The following ADAMTS6 variants were observed in gnomAD, a reference collection of about 807,000 sequenced individuals.
ADAMTS6 encodes the protein ADAM metallopeptidase with thrombospondin type 1 motif 6.
A neutral mutation model predicts 144.3 loss-of-function variants in ADAMTS6; 23 were observed. That is an observed-to-expected ratio of 0.16 (90% CI 0.11 to 0.23). The LOEUF (loss-of-function observed/expected upper bound fraction) is 0.23. Among genes scored for constraint, ADAMTS6 ranks in the 10% least tolerant of loss-of-function variants. The probability of loss-of-function intolerance (pLI) is 1.00; values close to 1 mark genes in which losing one functional copy is unlikely to be tolerated. For synonymous variants in ADAMTS6, 444 were observed against 457.5 expected, an observed-to-expected ratio of 0.97 and a Z score of 0.38; for missense variants, 999 against 1,379.6, an observed-to-expected ratio of 0.72 and a Z score of 4.37.
At chr5:65,437,008 G>A (rs964925019) in intron 7 of ADAMTS6, among the ~76,000 whole-genome samples, 19 of 152,126 alleles carry the variant, frequency 1.2e-4, no homozygotes, top group East Asian at 1.9e-4. Flanking sequence ...CCACATGGCC[G>A]GGGAGGCCTT....
chr5:65,238,102 TG>T, intron 15 of ADAMTS6, among the ~76,000 whole-genome samples: 1 of 151,682 alleles, frequency 6.6e-6, no homozygotes, highest in Admixed American at 6.6e-5. Flanking sequence ...AAAAAAATCT[TG>T]GTTTGAGATT....
intron 7 of ADAMTS6, among the ~76,000 whole-genome samples, chr5:65,443,775 T>TAA (rs200291688): frequency 4.9e-5 from 7 of 141,722 alleles, no homozygotes; most frequent in Admixed American, 2.1e-4. Flanking sequence ...ATTCCTGATT[T>TAA]AAAAAAAAAA....
intron 2 of ADAMTS6, among the ~76,000 whole-genome samples, chr5:65,472,558 G>A (rs1230403621): frequency 6.6e-6 from 1 of 151,926 alleles, no homozygotes; most frequent in Admixed American, 6.6e-5. Context: ...AACTAAATGA[G>A]GAACATATTT....
intron 7 of ADAMTS6, among the ~76,000 whole-genome samples, chr5:65,368,366 G>A (rs1335139966): frequency 1.3e-5 from 2 of 152,160 alleles, no homozygotes; most frequent in African/African-American, 2.4e-5. Flanking sequence ...GTCTTGAATG[G>A]CTTACCATTT....
At chr5:65,262,011 G>A (rs1761240690) in intron 13 of ADAMTS6, among the ~76,000 whole-genome samples, 1 of 152,010 alleles carries the variant, frequency 6.6e-6, no homozygotes, top group South Asian at 2.1e-4. Context: ...TGGGAAAGAA[G>A]GTCCTCAACC....
intron 24 of ADAMTS6, 21 bp downstream of exon 24, chr5:65,170,596 C>T: frequency 6.2e-7 from 1 of 1,612,598 alleles, no homozygotes; most frequent in Non-Finnish European, 8.5e-7. Context: ...ACCACAGGCC[C>T]CTCCTCCATG....
At chr5:65,163,065 A>G (rs1752885219) in intron 24 of ADAMTS6, among the ~76,000 whole-genome samples, 2 of 151,986 alleles carry the variant, frequency 1.3e-5, no homozygotes, top group African/African-American at 4.8e-5. Context: ...ACATACCACC[A>G]TGCCTAGCTA....
intron 7 of ADAMTS6, among the ~76,000 whole-genome samples, chr5:65,412,948 A>G (rs981906557): frequency 4.6e-5 from 7 of 152,142 alleles, no homozygotes; most frequent in Non-Finnish European, 8.8e-5. Context: ...TTGCTATACT[A>G]TTTAATCTTA....
intron 7 of ADAMTS6, among the ~76,000 whole-genome samples, chr5:65,449,562 A>G (rs1360598469): frequency 6.6e-6 from 1 of 152,156 alleles, no homozygotes; most frequent in African/African-American, 2.4e-5. Flanking sequence ...TGGAGGTTGC[A>G]GTGAGCCGAG....
chr5:65,195,999 G>A (rs1755317817), intron 21 of ADAMTS6, among the ~76,000 whole-genome samples: 1 of 152,216 alleles, frequency 6.6e-6, no homozygotes, highest in African/African-American at 2.4e-5. Context: ...ATTATAATGT[G>A]TGGCTCATTG....
In ADAMTS6 at chr5:65,215,070, A is replaced by G. The variant is rs942014416; in HGVS notation, c.2437-138T>C. The G allele has an allele frequency of 9.2e-6, 11 of 1,194,442 alleles. 1 individual carries two copies. The highest frequency in any genetic ancestry group is 1.1e-5 in the Non-Finnish European group (10 of 872,454). 74.0% of individuals were successfully genotyped at this position (1,194,442 alleles called of 1,614,324 possible). A position where few individuals can be genotyped will look rare whatever the true frequency, so the allele number is the denominator to read the frequency against. ...ATATAAAACACATGCATTTATATCA[A>G]ATTTTCTCCTCCCATTTTCATGGGT... On this transcript the variant is annotated intron_variant, in intron 19 of 24. Transcript: ENST00000381055.
rs140604159 is a variant in ADAMTS6, at chr5:65,359,259, A to G, written c.1074-25174T>C. 2.2e-3 allele frequency among the ~76,000 whole-genome samples: 342 copies of G among 152,302 alleles called. 4 individuals are homozygous for G. The highest frequency in any genetic ancestry group is 7.9e-3 in the African/African-American group (329 of 41,574). ...AAAAAGTGGGCAAATGATATGAACG[A>G]CATTTCTCAAAACAAGGTACACAAA... On this transcript the variant is annotated intron_variant, in intron 7 of 24. Coordinates refer to ENST00000381055, the MANE Select transcript of ADAMTS6 (RefSeq NM_197941.4).
chr5:65,225,069 C>T, intron 16 of ADAMTS6, 22 bp from the exon 17 acceptor site: 2 of 1,607,256 alleles, frequency 1.2e-6, no homozygotes, highest in Non-Finnish European at 1.7e-6. Context: ...GAGGAATATT[C>T]AGTGTGTCAA....
At chr5:65,259,128 G>A (rs113926179) in intron 14 of ADAMTS6, among the ~76,000 whole-genome samples, 2,198 of 151,930 alleles carry the variant, frequency 0.014, 52 homozygotes, top group African/African-American at 0.05. Flanking sequence ...AGGCCGAGGC[G>A]GGTGGATCAC....
chr5:65,370,839 A>T (rs1180495340), intron 7 of ADAMTS6, among the ~76,000 whole-genome samples: 1 of 152,228 alleles, frequency 6.6e-6, no homozygotes, highest in African/African-American at 2.4e-5. Flanking sequence ...ACAAACAAAA[A>T]GACAGCAGTA....
chr5:65,413,310 G>C (rs896104603), intron 7 of ADAMTS6, among the ~76,000 whole-genome samples: 6 of 152,138 alleles, frequency 3.9e-5, no homozygotes, highest in Non-Finnish European at 4.4e-5. Context: ...ACCTACGCAA[G>C]ATTGCAAACC....
At chr5:65,302,297 A>AAT (rs1452439736) in intron 9 of ADAMTS6, among the ~76,000 whole-genome samples, 1 of 144,734 alleles carries the variant, frequency 6.9e-6, no homozygotes, top group Non-Finnish European at 1.5e-5. Context: ...ATTAATATAT[A>AAT]ATATATAATT....
chr5:65,322,561 GTT>G (rs3049530), intron 9 of ADAMTS6, among the ~76,000 whole-genome samples: 14,264 of 118,362 alleles, frequency 0.12, 438 homozygotes, highest in African/African-American at 0.15. Context: ...GTGGTATGTA[GTT>G]TTTTTTTTTT....
chr5:65,381,044 T>C (rs1751992229), intron 7 of ADAMTS6, among the ~76,000 whole-genome samples: 1 of 151,396 alleles, frequency 6.6e-6, no homozygotes, highest in Non-Finnish European at 1.5e-5. Context: ...TTCTAAATGA[T>C]AAACATAATT....
Sources: allele counts gnomAD v4.1 joint callset (sites outside exome capture counted in the v4.1 genomes callset), GRCh38; gene constraint gnomAD v4.1.1; transcripts MANE v1.5; gene names NCBI Gene and HGNC (gene_info 2026-07-23, HGNC 2026-07-21).